The following ZMAT4 variants were observed in gnomAD, a reference collection of about 807,000 sequenced individuals.
ZMAT4 encodes zinc finger matrin-type 4, also known as zinc finger matrin-type protein 4.
In ZMAT4, 17 loss-of-function variants were observed where a neutral mutation model predicts 28.7. The ratio of observed to expected loss-of-function variants is 0.59; its 90% CI spans 0.41 to 0.89. The LOEUF is 0.89. Ranked by LOEUF, ZMAT4 falls within the 40% of genes least tolerant of loss-of-function variation. ZMAT4 has a pLI of 0.00. For missense variants in ZMAT4, 240 were observed against 283.8 expected (o/e 0.85, Z 1.11); for synonymous variants, 117 against 109.2 (o/e 1.07, Z -0.44).
At chr8:40,798,861 C>A (rs1382257756) in intron 2 of ZMAT4, among the ~76,000 whole-genome samples, 1 of 146,934 alleles carries the variant, frequency 6.8e-6, no homozygotes, top group Non-Finnish European at 1.5e-5. Context: ...TCCTCCACCT[C>A]TCTTCTCTAC....
At chr8:40,841,386 C>T (rs1816696272) in intron 1 of ZMAT4, among the ~76,000 whole-genome samples, 1 of 152,198 alleles carries the variant, frequency 6.6e-6, no homozygotes. Context: ...CAGAGGCCGC[C>T]CCCCTGCCAC....
At chr8:40,766,058 G>A (rs914892823) in intron 3 of ZMAT4, among the ~76,000 whole-genome samples, 1 of 152,112 alleles carries the variant, frequency 6.6e-6, no homozygotes, top group Non-Finnish European at 1.5e-5. Context: ...TACGAAATTG[G>A]TATCCTCCTC....
chr8:40,760,036 C>T (rs145472985), intron 3 of ZMAT4, among the ~76,000 whole-genome samples: 264 of 152,286 alleles, frequency 1.7e-3, no homozygotes, highest in African/African-American at 5.5e-3. Flanking sequence ...TGCTTTCCCA[C>T]GGTCCCTGAA....
intron 5 of ZMAT4, among the ~76,000 whole-genome samples, chr8:40,582,894 T>A (rs7016856): frequency 6.6e-6 from 1 of 152,090 alleles, no homozygotes; most frequent in Non-Finnish European, 1.5e-5. Context: ...GAAGCCCTAC[T>A]GGGAAGTCCT....
At chr8:40,884,616 T>G (rs947129982) in intron 1 of ZMAT4, 1 of 152,334 alleles carries the variant, frequency 6.6e-6, no homozygotes, top group African/African-American at 2.4e-5. Context: ...TTACTTCTTA[T>G]GCCAGCAGGA....
intron 3 of ZMAT4, among the ~76,000 whole-genome samples, chr8:40,748,188 C>A (rs1167453051): frequency 6.6e-6 from 1 of 152,088 alleles, no homozygotes; most frequent in African/African-American, 2.4e-5. Context: ...CATGATTTTT[C>A]TTTTAACTAT....
At chr8:40,598,894 T>C (rs1465091850) in intron 5 of ZMAT4, among the ~76,000 whole-genome samples, 1 of 152,212 alleles carries the variant, frequency 6.6e-6, no homozygotes, top group East Asian at 1.9e-4. Context: ...CCAGTACGAA[T>C]GTCTGCTATT....
chr8:40,748,356 G>A (rs528777808), intron 3 of ZMAT4, among the ~76,000 whole-genome samples: 3 of 152,236 alleles, frequency 2.0e-5, no homozygotes, highest in African/African-American at 7.2e-5. Flanking sequence ...CATTTCAATG[G>A]GGCTTTGAGA....
At chr8:40,846,514 G>T (rs900174516) in intron 1 of ZMAT4, among the ~76,000 whole-genome samples, 8 of 152,232 alleles carry the variant, frequency 5.3e-5, no homozygotes, top group Non-Finnish European at 1.5e-5. Context: ...CCTCCTCGAT[G>T]CAGAGTAATT....
Position 40,607,419 on chromosome 8 carries a change from G to A in ZMAT4, c.578-26158C>T, listed in dbSNP as rs187777041. Among the ~76,000 whole-genome samples, 25 of 151,974 alleles carry A rather than the reference G, an allele frequency of 1.6e-4. No homozygotes were observed. In the Middle Eastern group the frequency reaches 0.01, roughly 62 times the overall value. On this transcript the variant is annotated intron_variant, in intron 5 of 6. Transcript: ENST00000297737. ...TACTGGGATTACAGGCATGAGCCAC[G>A]GTGCCTGGCCTATATCTTGTATCCT...
At chr8:40,745,048 G>A (rs955554215) in intron 3 of ZMAT4, among the ~76,000 whole-genome samples, 1 of 152,166 alleles carries the variant, frequency 6.6e-6, no homozygotes, top group Non-Finnish European at 1.5e-5. Context: ...CCAAGGGGGA[G>A]TTGATAAAAG....
intron 6 of ZMAT4, among the ~76,000 whole-genome samples, chr8:40,553,684 G>T (rs1030719181): frequency 6.6e-6 from 1 of 152,088 alleles, no homozygotes; most frequent in Non-Finnish European, 1.5e-5. Flanking sequence ...ATGATACTAA[G>T]TGATCACCTA....
At chr8:40,847,129 G>C (rs1816930575) in intron 1 of ZMAT4, among the ~76,000 whole-genome samples, 1 of 151,714 alleles carries the variant, frequency 6.6e-6, no homozygotes, top group African/African-American at 2.4e-5. Context: ...GCTTGAACCA[G>C]GGAGGCACAG....
intron 2 of ZMAT4, among the ~76,000 whole-genome samples, chr8:40,799,062 G>A (rs1814713749): frequency 6.8e-6 from 1 of 147,620 alleles, no homozygotes; most frequent in Non-Finnish European, 1.5e-5. Context: ...TGGCTGGCTG[G>A]TTGGCTGGCT....
chr8:40,783,273 T>C (rs1381928499), intron 2 of ZMAT4, among the ~76,000 whole-genome samples: 2 of 152,182 alleles, frequency 1.3e-5, no homozygotes, highest in Non-Finnish European at 2.9e-5. Context: ...TGCCTTGAAA[T>C]ATTACACTAC....
chr8:40,749,964 G>A (rs373549474), intron 3 of ZMAT4, among the ~76,000 whole-genome samples: 6 of 152,084 alleles, frequency 3.9e-5, no homozygotes, highest in African/African-American at 1.4e-4. Context: ...TGTGACACAG[G>A]GCAGGTGCAC....
chr8:40,680,488 G>C (rs1809108735), intron 4 of ZMAT4, among the ~76,000 whole-genome samples: 1 of 152,120 alleles, frequency 6.6e-6, no homozygotes, highest in African/African-American at 2.4e-5. Context: ...CAACCAAGAA[G>C]ACAAGATCCA....
At chr8:40,552,413 T>G (rs1803393965) in intron 6 of ZMAT4, among the ~76,000 whole-genome samples, 1 of 152,144 alleles carries the variant, frequency 6.6e-6, no homozygotes, top group African/African-American at 2.4e-5. Context: ...TCCCCTTCCC[T>G]TATTCCTACT....
chr8:40,668,287 T>C (rs548583550), intron 5 of ZMAT4, among the ~76,000 whole-genome samples: 12 of 151,882 alleles, frequency 7.9e-5, no homozygotes, highest in African/African-American at 2.2e-4. Context: ...CTGGCCAACA[T>C]TGGGAAACCC....
Sources: gnomAD v4.1 joint callset for allele counts (sites outside exome capture counted in the v4.1 genomes callset) on GRCh38, gnomAD v4.1.1 for gene constraint, MANE v1.5 for transcripts, NCBI Gene and HGNC (gene_info 2026-07-23, HGNC 2026-07-21) for gene names.